YWHAZ: variants seen among roughly 807,000 people sequenced by gnomAD.
The protein encoded by YWHAZ is 14-3-3 protein zeta/delta.
For missense variants in YWHAZ, 79 were observed against 284.8 expected, an observed-to-expected ratio of 0.28 and a Z score of 5.20; for synonymous variants, 87 against 103.6, an observed-to-expected ratio of 0.84 and a Z score of 0.97.
rs1812909766 is a variant in YWHAZ, at chr8:100,920,037, C to G, written c.*656G>C. ...TTAGGTTGCCTAAAACATTTAAATA[C>G]AAATAAAATGAGTGTAGCAAAAATA... On this transcript the variant is annotated 3_prime_UTR_variant, in exon 6 of 6. Transcript: ENST00000395958. 6.6e-6 allele frequency: 1 copy of G among 152,508 alleles called. No homozygotes were observed. The highest frequency in any genetic ancestry group is 1.5e-5 in the Non-Finnish European group (1 of 67,996). 9.4% of individuals were successfully genotyped at this position (152,508 alleles called of 1,614,324 possible).
Position 100,940,275 on chromosome 8 carries a change from T to G in YWHAZ, c.294+8321A>C, listed in dbSNP as rs192591915. 3.9e-4 allele frequency among the ~76,000 whole-genome samples: 60 copies of G among 152,270 alleles called. 1 individual carries two copies. Among genetic ancestry groups the G allele is most frequent in the Admixed American group, 2.3e-3 (35 of 15,298 alleles). ...ATTTCCCTCACGATGCTTTTTGTTG[T>G]TGGTGGTGGTGGTAGTTAAAACGCC... On this transcript the variant is annotated intron_variant, in intron 2 of 5. Transcript: ENST00000395958.
upstream of YWHAZ, chr8:100,953,337 T>G (rs1810931054): frequency 2.0e-6 from 2 of 984,372 alleles, no homozygotes; most frequent in Non-Finnish European, 1.2e-6. Flanking sequence ...GCGGTGGGAG[T>G]GGGCCACAGG....
At chr8:100,953,120 G>C (rs79151093), upstream of YWHAZ, 6,291 of 987,396 alleles carry the variant, frequency 6.4e-3, 245 homozygotes, top group African/African-American at 0.095. Flanking sequence ...CAGCCTTCTC[G>C]GGCGGAGGGC....
At chr8:100,945,613 T>C (rs1397175913) in intron 2 of YWHAZ, among the ~76,000 whole-genome samples, 2 of 152,116 alleles carry the variant, frequency 1.3e-5, no homozygotes, top group Non-Finnish European at 2.9e-5. Context: ...ATATTTTTAC[T>C]AATCATTAAT....
At chr8:100,950,644 C>T in intron 1 of YWHAZ, 1 of 974,792 alleles carries the variant, frequency 1.0e-6, no homozygotes, top group Non-Finnish European at 1.2e-6. Context: ...AGCCCGCGCC[C>T]CCGCCCAAGC....
chr8:100,934,086 G>T (rs1451668707), intron 2 of YWHAZ, among the ~76,000 whole-genome samples: 4 of 149,548 alleles, frequency 2.7e-5, no homozygotes, highest in African/African-American at 9.9e-5. Flanking sequence ...TTGAACCCTG[G>T]AGGCGGAGGT....
rs1813238843 is a variant in YWHAZ, at chr8:100,924,641, A to C, written c.418+275T>G. Among the ~76,000 whole-genome samples, 1 of 152,128 alleles carries C rather than the reference A, an allele frequency of 6.6e-6. No individual in the cohort carries two copies. Among genetic ancestry groups the C allele is most frequent in the African/African-American group, 2.4e-5 (1 of 41,414 alleles). On this transcript the variant is annotated intron_variant, in intron 3 of 5. Transcript: ENST00000395958. The surrounding 1 kb of genome is among the most constrained non-coding windows in gnomAD (Gnocchi z 5.7). ...ACCACCATGCCCAGCTAATTTTCAAAATATTTTTTGTAGAGAGAGATGTTG... is the reference window on the plus strand; with the variant it reads ...ACCACCATGCCCAGCTAATTTTCAACATATTTTTTGTAGAGAGAGATGTTG...
intron 2 of YWHAZ, among the ~76,000 whole-genome samples, chr8:100,933,211 T>C (rs1813880555): frequency 6.6e-6 from 1 of 151,906 alleles, no homozygotes; most frequent in Non-Finnish European, 1.5e-5. Context: ...ATACAAAAAT[T>C]AGCTGGGCAT....
At chr8:100,925,703 C>T (rs917299376) in intron 2 of YWHAZ, among the ~76,000 whole-genome samples, 7 of 152,120 alleles carry the variant, frequency 4.6e-5, no homozygotes, top group African/African-American at 1.7e-4. Context: ...TCATCCCAGA[C>T]AACAGATAAA....
In YWHAZ at chr8:100,948,165, C is replaced by T. The variant is rs1415107887; in HGVS notation, c.294+431G>A. 2.6e-6 allele frequency: 4 copies of T among 1,530,198 alleles called. No homozygotes were observed. The Admixed American group carries it at 8.1e-5, about 31-fold the overall frequency. The allele number at this position is 1,530,198 out of a possible 1,614,324, so 94.8% of individuals were successfully genotyped here. A position where few individuals can be genotyped will look rare whatever the true frequency, so the allele number is the denominator to read the frequency against. ...ACTCATTACATTAACATTATAGCGG[C>T]TAATCCTGAGAAGAGTACTATTTCT... On this transcript the variant is annotated intron_variant, in intron 2 of 5. Transcript: ENST00000395958. This position sits in a 1 kb window ranked among gnomAD's most constrained non-coding sequence, Gnocchi z 4.2.
At position 100,948,221 on chromosome 8, in the gene YWHAZ, C is replaced by T; in HGVS notation, c.294+375G>A. 7.9e-7 allele frequency: 1 copy of T among 1,272,158 alleles called. No individual in the cohort carries two copies. Among genetic ancestry groups the T allele is most frequent in the Non-Finnish European group, 1.1e-6 (1 of 940,348 alleles). 78.8% of individuals were successfully genotyped at this position (1,272,158 alleles called of 1,614,324 possible). On this transcript the variant is annotated intron_variant, in intron 2 of 5. Transcript: ENST00000395958. The surrounding 1 kb of genome is among the most constrained non-coding windows in gnomAD (Gnocchi z 4.2). ...GAGTATCCTATTACATCTCTCTTAC[C>T]TAAAGTATGTAAAATTCCTTTATCC...
chr8:100,938,147 CCACT>C (rs1398890922), intron 2 of YWHAZ, among the ~76,000 whole-genome samples: 1 of 152,068 alleles, frequency 6.6e-6, no homozygotes, highest in Non-Finnish European at 1.5e-5. Flanking sequence ...CAAAAAAACC[CCACT>C]GTTTTCAATA....
chr8:100,920,795 TG>T (rs371689979), intron 5 of YWHAZ, 43 bp from the exon 6 acceptor site: 29,233 of 86,742 alleles, frequency 0.34, 4,204 homozygotes, highest in East Asian at 0.55. Context: ...TTCAGTGGGA[TG>T]GGGGGGGGGG....
At chr8:100,944,416 CTCAG>C (rs750827546) in intron 2 of YWHAZ, among the ~76,000 whole-genome samples, 1 of 152,154 alleles carries the variant, frequency 6.6e-6, no homozygotes, top group Non-Finnish European at 1.5e-5. Flanking sequence ...TAAAATAGAA[CTCAG>C]TCAAATTAAC....
chr8:100,939,374 C>G (rs1288258317), intron 2 of YWHAZ, among the ~76,000 whole-genome samples: 1 of 152,132 alleles, frequency 6.6e-6, no homozygotes, highest in African/African-American at 2.4e-5. Context: ...TTAAGAACAT[C>G]TAACGCTGGG....
intron 2 of YWHAZ, chr8:100,947,936 A>G (rs929446691): frequency 1.8e-6 from 1 of 564,092 alleles, no homozygotes; most frequent in Non-Finnish European, 3.0e-6. Context: ...ATTAAAATTA[A>G]CCAAAATGTA....
chr8:100,943,845 G>C (rs1357801473), intron 2 of YWHAZ, among the ~76,000 whole-genome samples: 2 of 152,028 alleles, frequency 1.3e-5, no homozygotes, highest in Non-Finnish European at 2.9e-5. Flanking sequence ...CAATTAGCTG[G>C]GTGTGGTGGC....
At chr8:100,921,401 G>A (rs115280191) in intron 5 of YWHAZ, among the ~76,000 whole-genome samples, 1,810 of 152,232 alleles carry the variant, frequency 0.012, 32 homozygotes, top group African/African-American at 0.041. Flanking sequence ...AAAGATGGAC[G>A]TCCAAGGTGA....
chr8:100,947,794 TG>T (rs1273119653), intron 2 of YWHAZ, among the ~76,000 whole-genome samples: 1 of 152,220 alleles, frequency 6.6e-6, no homozygotes, highest in Non-Finnish European at 1.5e-5. Flanking sequence ...CCTTCCATAC[TG>T]GTTAAGTGTA....
Sources: allele counts gnomAD v4.1 joint callset (sites outside exome capture counted in the v4.1 genomes callset), GRCh38; gene constraint gnomAD v4.1.1; non-coding constraint Gnocchi (gnomAD v3.1); transcripts MANE v1.5; gene names NCBI Gene and HGNC (gene_info 2026-07-23, HGNC 2026-07-21).